Variants in NBAS observed in about 807,000 individuals in gnomAD.
The protein encoded by NBAS is NBAS subunit of NRZ tethering complex.
A neutral mutation model predicts 302.5 loss-of-function variants in NBAS; 219 were observed. That is an observed-to-expected ratio of 0.72 (90% CI 0.65 to 0.81). NBAS has a LOEUF of 0.81. Ranked by LOEUF, NBAS falls within the 30% of genes least tolerant of loss-of-function variation. The pLI, the probability that NBAS is intolerant of heterozygous loss-of-function variation, is 0.00. For missense variants in NBAS, 2,932 were observed against 2,841.6 expected, an observed-to-expected ratio of 1.03 and a Z score of -0.72; for synonymous variants, 1,118 against 1,021.6, an observed-to-expected ratio of 1.09 and a Z score of -1.80.
chr2:15,132,550 G>GA, the NBAS span, among the ~76,000 whole-genome samples: 1 of 152,134 alleles, frequency 6.6e-6, no homozygotes, highest in Non-Finnish European at 1.5e-5. Context: ...ACATCAACAA[G>GA]AATGGTCCCC....
chr2:14,794,005 C>G, the NBAS span, among the ~76,000 whole-genome samples: 1 of 152,092 alleles, frequency 6.6e-6, no homozygotes, highest in African/African-American at 2.4e-5. Context: ...TAAAGGAATA[C>G]ACTAAAAGGA....
rs952495019 is a variant in NBAS at position 15,166,954 on chromosome 2, A to G, written c.*94T>C. On this transcript the variant is annotated 3_prime_UTR_variant, in exon 52 of 52. Transcript: ENST00000281513. ...GTTTTATTTGCAATTTGTTGGAACC[A>G]TGGAGAACAATCGGCAGATACACAT... is the stretch of plus-strand genomic sequence containing the variant. The G allele has an allele frequency of 4.2e-6, 6 of 1,439,320 alleles. No individual in the cohort carries two copies. In the African/African-American group the frequency reaches 5.7e-5, roughly 14 times the overall value. The allele number at this position is 1,439,320 out of a possible 1,614,324, so 89.2% of individuals were successfully genotyped here. A position where few individuals can be genotyped will look rare whatever the true frequency, so the allele number is the denominator to read the frequency against.
At chr2:15,060,431 A>T in the NBAS span, among the ~76,000 whole-genome samples, 1 of 152,120 alleles carries the variant, frequency 6.6e-6, no homozygotes, top group African/African-American at 2.4e-5. Flanking sequence ...GTCTGCAGGA[A>T]GATCATATTT....
At chr2:14,885,910 T>A in the NBAS span, among the ~76,000 whole-genome samples, 2 of 152,228 alleles carry the variant, frequency 1.3e-5, no homozygotes, top group South Asian at 4.2e-4. Context: ...ACCGAAGTGG[T>A]GGGAACAAAA....
intron 12 of NBAS, among the ~76,000 whole-genome samples, chr2:15,486,370 G>A (rs1171958787): frequency 6.6e-6 from 1 of 152,102 alleles, no homozygotes; most frequent in Admixed American, 6.6e-5. Context: ...GAAACAACTA[G>A]CTTGAGAATC....
chr2:14,818,494 AG>A, the NBAS span, among the ~76,000 whole-genome samples: 2 of 152,172 alleles, frequency 1.3e-5, no homozygotes, highest in African/African-American at 4.8e-5. Context: ...AGGTTGTGGG[AG>A]GGTCAGGATT....
the NBAS span, among the ~76,000 whole-genome samples, chr2:14,976,697 G>T: frequency 6.6e-6 from 1 of 152,174 alleles, no homozygotes. Context: ...TCATGATCCT[G>T]GAATAGCTGG....
At chr2:15,149,997 C>T in the NBAS span, among the ~76,000 whole-genome samples, 2 of 150,412 alleles carry the variant, frequency 1.3e-5, no homozygotes, top group African/African-American at 4.9e-5. Flanking sequence ...ATTGCTTGAT[C>T]CCAGGAAGTT....
intron 35 of NBAS, among the ~76,000 whole-genome samples, chr2:15,335,275 T>C (rs907403734): frequency 2.6e-5 from 4 of 152,178 alleles, no homozygotes; most frequent in African/African-American, 9.7e-5. Flanking sequence ...TCTATTAATG[T>C]GCATTTGGGT....
chr2:15,396,428 A>G lies in NBAS; in HGVS notation c.3119T>C (p.Leu1040Pro). 6.2e-7 allele frequency: 1 copy of G among 1,606,608 alleles called. No homozygotes were observed. Among genetic ancestry groups the G allele is most frequent in the East Asian group, 2.2e-5 (1 of 44,696 alleles). Residue 1040 changes from leucine (L) to proline (P), a missense_variant, in exon 27 of 52, where the codon CTG (leucine) becomes CCG (proline). By Grantham distance (98) the Leu-to-Pro change is moderately conservative. Transcript: ENST00000281513. ...TTKLHDMVDQ[L>P]EQILSVSELL... ...TTTTTCTCACCTGAGAATTTGTTCC[A>G]GTTGGTCTACCATGTCATGAAGCTT...
At chr2:14,890,480 A>G in the NBAS span, 1 of 152,330 alleles carries the variant, frequency 6.6e-6, no homozygotes, top group Admixed American at 6.5e-5. Context: ...TGTATTATCT[A>G]TAAGAATTTG....
At chr2:15,205,606 A>G (rs1666102781) in intron 48 of NBAS, among the ~76,000 whole-genome samples, 2 of 152,172 alleles carry the variant, frequency 1.3e-5, no homozygotes, top group Admixed American at 1.3e-4. Context: ...AAAGAGCAGG[A>G]GTTGGATTGG....
At chr2:14,902,653 T>C in the NBAS span, among the ~76,000 whole-genome samples, 1 of 152,208 alleles carries the variant, frequency 6.6e-6, no homozygotes, top group East Asian at 1.9e-4. Flanking sequence ...ATGAGACCTA[T>C]TCCCTGATCA....
chr2:15,365,598 C>T (rs1234027191), intron 32 of NBAS, among the ~76,000 whole-genome samples: 1 of 152,164 alleles, frequency 6.6e-6, no homozygotes, highest in Non-Finnish European at 1.5e-5. Flanking sequence ...CAACGGATGA[C>T]TGGCCCCAGT....
chr2:15,420,452 A>C (rs563278579), intron 23 of NBAS, among the ~76,000 whole-genome samples: 1 of 152,326 alleles, frequency 6.6e-6, no homozygotes, highest in South Asian at 2.1e-4. Context: ...GATAGAAATA[A>C]AAAGCAAAGA....
In NBAS at chr2:15,475,861, T is replaced by C. The variant is rs2148588938; in HGVS notation, c.1167A>G (p.Pro389=). The C allele has an allele frequency of 6.2e-7, 1 of 1,613,688 alleles. No homozygotes were observed. Among genetic ancestry groups the C allele is most frequent in the Non-Finnish European group, 8.5e-7 (1 of 1,179,720 alleles). The change falls in exon 14 of 52, where the codon CCA becomes CCG. Residue 389 remains proline, a synonymous_variant. Transcript: ENST00000281513. ...CTGCCCACCAATTGACATCTATCAG[T>C]GGGTAAAAGGACTCTTTATCTAAGA... ...KKIKDKESFY[P]LIDVNWWADS...
intron 11 of NBAS, among the ~76,000 whole-genome samples, chr2:15,497,289 A>C (rs1681106264): frequency 1.3e-5 from 2 of 152,216 alleles, no homozygotes; most frequent in Non-Finnish European, 2.9e-5. Context: ...TACATTTTTT[A>C]AGTCACTAAG....
chr2:15,333,399 T>C (rs73914820), intron 35 of NBAS, among the ~76,000 whole-genome samples: 5,608 of 151,988 alleles, frequency 0.037, 343 homozygotes, highest in African/African-American at 0.13. Flanking sequence ...CCAAAGAACC[T>C]CCATTGTCAA....
At chr2:14,847,029 T>G in the NBAS span, among the ~76,000 whole-genome samples, 3 of 152,280 alleles carry the variant, frequency 2.0e-5, no homozygotes, top group East Asian at 1.9e-4. Context: ...ACTGGCTGAT[T>G]TGATGAAAAT....
Sources: allele counts gnomAD v4.1 joint callset (sites outside exome capture counted in the v4.1 genomes callset), GRCh38; gene constraint gnomAD v4.1.1; transcripts MANE v1.5; gene names NCBI Gene and HGNC (gene_info 2026-07-23, HGNC 2026-07-21).